PHF19: variants seen among roughly 807,000 people sequenced by gnomAD.
The protein encoded by PHF19 is polycomb like 3.
In PHF19, 21 loss-of-function variants were observed where a neutral mutation model predicts 79.8. The ratio of observed to expected loss-of-function variants is 0.26; its 90% CI spans 0.19 to 0.38. PHF19 has a LOEUF of 0.38. Among genes scored for constraint, PHF19 ranks in the 10% least tolerant of loss-of-function variants. The pLI, the probability that PHF19 is intolerant of heterozygous loss-of-function variation, is 1.00. For missense variants in PHF19, 445 were observed against 744.2 expected (o/e 0.60, Z 4.68); for synonymous variants, 273 against 296.3 (o/e 0.92, Z 0.81).
upstream of PHF19, among the ~76,000 whole-genome samples, chr9:120,896,448 T>G (rs1436769756): frequency 3.2e-5 from 1 of 30,864 alleles, no homozygotes; most frequent in Admixed American, 3.9e-4. Context: ...TTTTTTTTTT[T>G]TTCTTTTTTT....
chr9:120,858,593 C>T (rs2045416088), intron 14 of PHF19, among the ~76,000 whole-genome samples: 1 of 152,130 alleles, frequency 6.6e-6, no homozygotes, highest in Non-Finnish European at 1.5e-5. Context: ...GTAAGAACGT[C>T]CAACTCCAAA....
Position 120,877,156 on chromosome 9 carries a change from G to C in PHF19, c.-81C>G, listed in dbSNP as rs1588126560. On this transcript the variant is annotated 5_prime_UTR_variant, in exon 1 of 15. Coordinates refer to ENST00000373896, the MANE Select transcript of PHF19 (RefSeq NM_015651.3). ...CACCAGGCGCATCGGTGGCGGAGGCGGCTGCGCTCGGCCCGCGGCTGCCCG... is the reference window on the plus strand; with the variant it reads ...CACCAGGCGCATCGGTGGCGGAGGCCGCTGCGCTCGGCCCGCGGCTGCCCG... 2.0e-6 allele frequency: 2 copies of C among 984,738 alleles called. No individual in the cohort carries two copies. Among genetic ancestry groups the C allele is most frequent in the Non-Finnish European group, 1.2e-6 (1 of 829,682 alleles). The allele number at this position is 984,738 out of a possible 1,614,324, so 61.0% of individuals were successfully genotyped here.
At position 120,876,980 on chromosome 9, in the gene PHF19, C is replaced by G. The variant is rs932127557; in HGVS notation, c.-16+111G>C. On this transcript the variant is annotated intron_variant, in intron 1 of 14. Coordinates refer to ENST00000373896, the MANE Select transcript of PHF19 (RefSeq NM_015651.3). ...AGAGCCCCGCTCCGCAGGAGTCTCACCCCCCGGAGGCGTTCGGGCCGCCAA... is the reference window on the plus strand; with the variant it reads ...AGAGCCCCGCTCCGCAGGAGTCTCAGCCCCCGGAGGCGTTCGGGCCGCCAA... 3.1e-6 allele frequency: 3 copies of G among 957,818 alleles called. No homozygotes were observed. The African/African-American group carries it at 5.3e-5, about 17-fold the overall frequency. 59.3% of individuals were successfully genotyped at this position (957,818 alleles called of 1,614,324 possible).
intron 1 of PHF19, among the ~76,000 whole-genome samples, chr9:120,894,156 G>A (rs935774934): frequency 3.9e-5 from 6 of 152,320 alleles, no homozygotes; most frequent in Non-Finnish European, 7.3e-5. Context: ...GAAGGGCCAC[G>A]AGATGAACGT....
At chr9:120,864,026 C>A (rs1231121972) in intron 10 of PHF19, 23 bp downstream of exon 10, 1 of 1,604,632 alleles carries the variant, frequency 6.2e-7, no homozygotes, top group Non-Finnish European at 8.5e-7. Context: ...CCCCACCACA[C>A]TCCCTCCCCT....
rs1325563318 is a variant in PHF19 at position 120,869,788 on chromosome 9, G to T, written c.465+57C>A. On this transcript the variant is annotated intron_variant, in intron 5 of 14. Transcript: ENST00000373896. This position sits in a 1 kb window ranked among gnomAD's most constrained non-coding sequence, Gnocchi z 5.8. Reference sequence around the variant, plus strand: ...TCAGACTCTGTGATGGGAGTCTCTGGTCTGCCCCACTGGAGGAGGCAGGAG... The same window carrying T: ...TCAGACTCTGTGATGGGAGTCTCTGTTCTGCCCCACTGGAGGAGGCAGGAG... 2 of 1,609,770 alleles carry T rather than the reference G, an allele frequency of 1.2e-6. No individual in the cohort carries two copies. The highest frequency in any genetic ancestry group is 2.2e-5 in the South Asian group (2 of 89,830).
At chr9:120,887,726 A>G (rs1229819283) in intron 1 of PHF19, among the ~76,000 whole-genome samples, 1 of 151,830 alleles carries the variant, frequency 6.6e-6, no homozygotes, top group Non-Finnish European at 1.5e-5. Flanking sequence ...TGGCTTTACG[A>G]TGGTGCAAAA....
Position 120,866,557 on chromosome 9 carries a change from G to A in PHF19, c.710+313C>T, listed in dbSNP as rs570556644. 2.6e-5 allele frequency among the ~76,000 whole-genome samples: 4 copies of A among 152,320 alleles called. No homozygotes were observed. The South Asian group carries it at 8.3e-4, about 32-fold the overall frequency. On this transcript the variant is annotated intron_variant, in intron 7 of 14. Transcript: ENST00000373896. The surrounding 1 kb of genome is among the most constrained non-coding windows in gnomAD (Gnocchi z 5.2). ...CACAGCAACCCTGGGCAGGGCTGGC[G>A]CAAGGACTGTGTCATCCCTTCTTCC...
At chr9:120,864,218 C>T in intron 9 of PHF19, 102 bp from the exon 10 acceptor site, 1 of 954,110 alleles carries the variant, frequency 1.0e-6, no homozygotes, top group Non-Finnish European at 1.7e-6. Context: ...GCTTCTGAGT[C>T]CTTCAGGTGA....
chr9:120,864,355 G>T (rs1447271534), intron 9 of PHF19, among the ~76,000 whole-genome samples: 2 of 152,040 alleles, frequency 1.3e-5, no homozygotes, highest in Non-Finnish European at 2.9e-5. Context: ...CCATACCCTT[G>T]ACCCAGTAAT....
upstream of PHF19, among the ~76,000 whole-genome samples, chr9:120,881,412 G>C (rs1292532205): frequency 6.6e-6 from 1 of 152,114 alleles, no homozygotes; most frequent in Non-Finnish European, 1.5e-5. Context: ...CTCCCAAAGT[G>C]CTGGGATTAC....
At chr9:120,868,958 G>C in intron 6 of PHF19, 1 of 385,928 alleles carries the variant, frequency 2.6e-6, no homozygotes, top group Non-Finnish European at 3.3e-6. Flanking sequence ...CCTCCGCAGC[G>C]GCTGACCCCC....
intron 3 of PHF19, among the ~76,000 whole-genome samples, chr9:120,871,413 A>G (rs1026642879): frequency 1.3e-5 from 2 of 152,236 alleles, no homozygotes; most frequent in African/African-American, 4.8e-5. Flanking sequence ...TACTGCACCT[A>G]TAAGTTAACA....
At chr9:120,876,842 TA>T (rs1221371219) in intron 1 of PHF19, 4 of 283,660 alleles carry the variant, frequency 1.4e-5, no homozygotes, top group Non-Finnish European at 2.1e-5. Flanking sequence ...ATAGGAAAAT[TA>T]AAGATCGGGG....
At chr9:120,882,156 G>A (rs549387576), upstream of PHF19, among the ~76,000 whole-genome samples, 18 of 152,332 alleles carry the variant, frequency 1.2e-4, no homozygotes, top group South Asian at 8.3e-4. Context: ...TTGGAAAGGC[G>A]TAGTGATAAA....
rs940744197 is a variant in PHF19, at chr9:120,869,103, C to T, written c.614+79G>A. ...CCCGCCTTGGCTGACACGCCAGGCTCGCTCCCTATGGGCGGTCCCTGCTGG... is the reference window on the plus strand; with the variant it reads ...CCCGCCTTGGCTGACACGCCAGGCTTGCTCCCTATGGGCGGTCCCTGCTGG... On this transcript the variant is annotated intron_variant, in intron 6 of 14. Coordinates refer to ENST00000373896, the MANE Select transcript of PHF19 (RefSeq NM_015651.3). The surrounding 1 kb of genome is among the most constrained non-coding windows in gnomAD (Gnocchi z 5.8). 1.4e-4 allele frequency: 205 copies of T among 1,434,692 alleles called. No individual in the cohort carries two copies. The highest frequency in any genetic ancestry group is 1.7e-4 in the Non-Finnish European group (185 of 1,072,896). The allele number at this position is 1,434,692 out of a possible 1,614,324, so 88.9% of individuals were successfully genotyped here.
At chr9:120,892,314 A>G (rs1342952892) in intron 1 of PHF19, among the ~76,000 whole-genome samples, 1 of 151,960 alleles carries the variant, frequency 6.6e-6, no homozygotes, top group African/African-American at 2.4e-5. Flanking sequence ...TTTTCCTGCT[A>G]TGGGACTTGG....
intron 14 of PHF19, among the ~76,000 whole-genome samples, chr9:120,858,811 T>TCACACACACACACACACACACA (rs56042039): frequency 1.6e-5 from 2 of 122,802 alleles, no homozygotes; most frequent in African/African-American, 3.1e-5. Flanking sequence ...CTGACAGACA[T>TCACACACACACACACACACACA]CACACACACA....
upstream of PHF19, among the ~76,000 whole-genome samples, chr9:120,881,478 AT>A (rs1164368642): frequency 1.3e-5 from 2 of 151,852 alleles, no homozygotes; most frequent in Non-Finnish European, 2.9e-5. Context: ...TGTATGTTTT[AT>A]TTCTTAGAAA....
Sources: gnomAD v4.1 joint callset for allele counts (sites outside exome capture counted in the v4.1 genomes callset) on GRCh38, gnomAD v4.1.1 for gene constraint, Gnocchi (gnomAD v3.1) non-coding constraint, MANE v1.5 for transcripts, NCBI Gene and HGNC (gene_info 2026-07-23, HGNC 2026-07-21) for gene names.